The following COL10A1 variants were observed in gnomAD, a reference collection of about 807,000 sequenced individuals.
COL10A1 encodes collagen type X alpha 1 chain, also known as collagen alpha-1(X) chain.
A neutral mutation model predicts 18.2 loss-of-function variants in COL10A1; 10 were observed. That is an observed-to-expected ratio of 0.55 (90% CI 0.34 to 0.93). The LOEUF (loss-of-function observed/expected upper bound fraction) is 0.93, where lower values mean the gene tolerates loss of function less well. Ranked by LOEUF, COL10A1 falls within the 40% of genes least tolerant of loss-of-function variation. COL10A1 has a pLI of 0.02. For synonymous variants in COL10A1, 330 were observed against 316.6 expected, an observed-to-expected ratio of 1.04 and a Z score of -0.45; for missense variants, 897 against 853.5, an observed-to-expected ratio of 1.05 and a Z score of -0.64.
chr6:116,131,662 C>G (rs765783156), intron 1 of COL10A1, among the ~76,000 whole-genome samples: 11 of 152,036 alleles, frequency 7.2e-5, no homozygotes, highest in Non-Finnish European at 1.0e-4. Context: ...CTGTCTTTTG[C>G]CAATACAAAT....
chr6:116,137,514 C>A (rs1224275255), intron 1 of COL10A1: 1 of 207,912 alleles, frequency 4.8e-6, no homozygotes, highest in East Asian at 1.1e-4. Flanking sequence ...GAGATTCTCC[C>A]TAATGTATTT....
chr6:116,122,588 A>C (rs1779163751), intron 2 of COL10A1, among the ~76,000 whole-genome samples: 1 of 152,222 alleles, frequency 6.6e-6, no homozygotes, highest in African/African-American at 2.4e-5. Context: ...CTAAATACAA[A>C]TATATAGTGT....
the COL10A1 span, among the ~76,000 whole-genome samples, chr6:116,207,524 C>G: frequency 1.9e-4 from 29 of 151,758 alleles, no homozygotes; most frequent in African/African-American, 7.0e-4. Flanking sequence ...AAAAGTCTTT[C>G]ATCTTTATGT....
the COL10A1 span, among the ~76,000 whole-genome samples, chr6:116,204,722 G>T: frequency 2.0e-5 from 3 of 151,928 alleles, no homozygotes; most frequent in African/African-American, 4.8e-5. Context: ...GTATTCATAT[G>T]CTGGATTGCA....
At chr6:116,155,199 T>C (rs1172085272) in intron 1 of COL10A1, among the ~76,000 whole-genome samples, 1 of 152,182 alleles carries the variant, frequency 6.6e-6, no homozygotes, top group African/African-American at 2.4e-5. Context: ...TTTGCATGGG[T>C]TTAGTGCTTA....
intron 1 of COL10A1, among the ~76,000 whole-genome samples, chr6:116,134,431 C>T (rs553250251): frequency 2.0e-5 from 3 of 152,114 alleles, no homozygotes; most frequent in Non-Finnish European, 4.4e-5. Context: ...GAACGTAATT[C>T]AAGGACTATG....
chr6:116,134,370 C>CT (rs1307547253), intron 1 of COL10A1, among the ~76,000 whole-genome samples: 3 of 152,176 alleles, frequency 2.0e-5, no homozygotes, highest in African/African-American at 7.2e-5. Context: ...CTGTGTGAAT[C>CT]TATCTTCCAA....
chr6:116,197,461 A>G, the COL10A1 span, among the ~76,000 whole-genome samples: 1 of 152,052 alleles, frequency 6.6e-6, no homozygotes, highest in Non-Finnish European at 1.5e-5. Context: ...GTCAAGAATC[A>G]ACATTCTTGA....
At chr6:116,186,483 T>C in the COL10A1 span, among the ~76,000 whole-genome samples, 1 of 152,136 alleles carries the variant, frequency 6.6e-6, no homozygotes, top group South Asian at 2.1e-4. Flanking sequence ...CCCAGACTTT[T>C]AGATTTCTCT....
At chr6:116,165,636 A>C in the COL10A1 span, among the ~76,000 whole-genome samples, 323 of 152,300 alleles carry the variant, frequency 2.1e-3, 1 homozygote, top group African/African-American at 7.4e-3. Flanking sequence ...CCCCCTCTAC[A>C]TCTGTTACCA....
chr6:116,200,001 G>C, the COL10A1 span, among the ~76,000 whole-genome samples: 2 of 149,858 alleles, frequency 1.3e-5, no homozygotes, highest in African/African-American at 5.0e-5. Flanking sequence ...ATGGAAAGTG[G>C]GGGGGGAAGA....
intron 1 of COL10A1, among the ~76,000 whole-genome samples, chr6:116,138,883 G>C (rs868566853): frequency 6.6e-6 from 1 of 152,002 alleles, no homozygotes; most frequent in African/African-American, 2.4e-5. Context: ...TCTTGCTTTT[G>C]GTTTGATTTC....
chr6:116,155,333 A>G (rs1780159480), intron 1 of COL10A1, among the ~76,000 whole-genome samples: 1 of 152,096 alleles, frequency 6.6e-6, no homozygotes. Flanking sequence ...TTAATGACCA[A>G]TTCATTTAGC....
At chr6:116,207,265 AT>A in the COL10A1 span, among the ~76,000 whole-genome samples, 5 of 151,368 alleles carry the variant, frequency 3.3e-5, no homozygotes, top group African/African-American at 1.2e-4. Flanking sequence ...ATGGGAAAAA[AT>A]ATTTCTGTAC....
the COL10A1 span, among the ~76,000 whole-genome samples, chr6:116,201,608 A>G: frequency 1.1e-4 from 16 of 152,138 alleles, no homozygotes; most frequent in African/African-American, 3.6e-4. Context: ...TAAAGATAAT[A>G]GGGCAAACAA....
upstream of COL10A1, among the ~76,000 whole-genome samples, chr6:116,126,873 A>G (rs1392025489): frequency 6.6e-6 from 1 of 152,148 alleles, no homozygotes; most frequent in Non-Finnish European, 1.5e-5. Flanking sequence ...TATTGGCTTA[A>G]CTTGCAGTTA....
At chr6:116,163,141 A>AATAT (rs1554197063), upstream of COL10A1, among the ~76,000 whole-genome samples, 72 of 88,344 alleles carry the variant, frequency 8.1e-4, 1 homozygote, top group East Asian at 1.5e-3. Context: ...AAAAAAAAAA[A>AATAT]ATATATATAT....
the COL10A1 span, among the ~76,000 whole-genome samples, chr6:116,204,697 C>T: frequency 4.6e-5 from 7 of 151,962 alleles, no homozygotes; most frequent in East Asian, 1.4e-3. Flanking sequence ...TGAAAAAAAT[C>T]ACCAAAGTAC....
At chr6:116,170,724 A>G in the COL10A1 span, among the ~76,000 whole-genome samples, 2 of 152,222 alleles carry the variant, frequency 1.3e-5, no homozygotes, top group Non-Finnish European at 2.9e-5. Flanking sequence ...ATTCAGCCTT[A>G]GCAAACTGCT....
Sources: gnomAD v4.1 joint callset for allele counts (sites outside exome capture counted in the v4.1 genomes callset) on GRCh38, gnomAD v4.1.1 for gene constraint, MANE v1.5 for transcripts, NCBI Gene and HGNC (gene_info 2026-07-23, HGNC 2026-07-21) for gene names.